Variants in RP9 observed in about 807,000 individuals in gnomAD.
The protein encoded by RP9 is retinitis pigmentosa 9 protein.
In RP9, 23 loss-of-function variants were observed where a neutral mutation model predicts 32.6. The ratio of observed to expected loss-of-function variants is 0.71; its 90% CI spans 0.51 to 1.00. The LOEUF is 1.00. RP9 is among the 50% of genes least tolerant of loss of function. RP9 has a pLI of 0.00. For synonymous variants in RP9, 94 were observed against 103.6 expected (o/e 0.91, Z 0.56); for missense variants, 245 against 285.3 (o/e 0.86, Z 1.02).
At position 33,095,066 on chromosome 7, in the gene RP9, T is replaced by G; in HGVS notation, c.*168A>C. 1 of 631,240 alleles carries G rather than the reference T, an allele frequency of 1.6e-6. No homozygotes were observed. The highest frequency in any genetic ancestry group is 2.0e-5 in the South Asian group (1 of 50,548). 39.1% of individuals were successfully genotyped at this position (631,240 alleles called of 1,614,324 possible). ...AGAGCTAGCACCTGGAAGGAGACAC[T>G]CCCTCTCCTGGGGTCACATCTTCAC... On this transcript the variant is annotated 3_prime_UTR_variant, in exon 6 of 6. Transcript: ENST00000297157.
At chr7:33,103,130 A>T (rs1252559577) in intron 1 of RP9, among the ~76,000 whole-genome samples, 1 of 152,238 alleles carries the variant, frequency 6.6e-6, no homozygotes, top group East Asian at 1.9e-4. Flanking sequence ...GAAGTTTTCA[A>T]CAAATTTGGG....
intron 5 of RP9, 142 bp downstream of exon 5, chr7:33,096,351 C>G: frequency 1.4e-6 from 1 of 715,100 alleles, no homozygotes; most frequent in South Asian, 1.5e-5. Context: ...GCCTTTTCAG[C>G]CATGACTCCT....
chr7:33,102,886 G>A (rs1018093554), intron 1 of RP9, among the ~76,000 whole-genome samples: 11 of 152,174 alleles, frequency 7.2e-5, no homozygotes, highest in Non-Finnish European at 8.8e-5. Context: ...GATGCCCTCA[G>A]GGGCCTGGCA....
intron 1 of RP9, among the ~76,000 whole-genome samples, chr7:33,106,233 C>T (rs1788496353): frequency 6.6e-6 from 1 of 152,044 alleles, no homozygotes; most frequent in African/African-American, 2.4e-5. Context: ...TGGAGTGCAG[C>T]CATGGCTTAC....
At chr7:33,096,343 CT>C (rs1788334312) in intron 5 of RP9, 149 bp downstream of exon 5, 2 of 703,700 alleles carry the variant, frequency 2.8e-6, no homozygotes, top group Non-Finnish European at 2.6e-6. Flanking sequence ...CAACACTGGC[CT>C]TTTCAGCCAT....
At chr7:33,100,488 G>T (rs755143889) in intron 2 of RP9, 43 bp downstream of exon 2, 1 of 1,524,094 alleles carries the variant, frequency 6.6e-7, no homozygotes, top group Admixed American at 1.7e-5. Context: ...GAGTCTACAA[G>T]TATGTCTTGT....
chr7:33,104,051 A>G (rs566505512), intron 1 of RP9, among the ~76,000 whole-genome samples: 16 of 152,314 alleles, frequency 1.1e-4, no homozygotes, highest in Admixed American at 6.5e-4. Context: ...AACAACTTGC[A>G]GAATGAGAAA....
chr7:33,102,795 A>G (rs1198229072), intron 1 of RP9, among the ~76,000 whole-genome samples: 2 of 152,194 alleles, frequency 1.3e-5, no homozygotes, highest in Non-Finnish European at 2.9e-5. Context: ...TGCCACATAC[A>G]CCCAGAAGGT....
intron 1 of RP9, among the ~76,000 whole-genome samples, chr7:33,101,495 A>G (rs1156603474): frequency 2.6e-5 from 4 of 151,922 alleles, no homozygotes; most frequent in Admixed American, 1.3e-4. Context: ...CCAGCTACTC[A>G]GGAGGCTGAG....
intron 1 of RP9, among the ~76,000 whole-genome samples, chr7:33,104,580 T>TAAA (rs1788472449): frequency 1.3e-5 from 2 of 152,256 alleles, no homozygotes; most frequent in African/African-American, 4.8e-5. Flanking sequence ...AGGTAACTTA[T>TAAA]AAAAGAAAGG....
chr7:33,100,472 G>A (rs1788408447), intron 2 of RP9, 59 bp downstream of exon 2: 2 of 1,365,714 alleles, frequency 1.5e-6, no homozygotes, highest in East Asian at 2.3e-5. Flanking sequence ...TTCATAACAA[G>A]TTACTGAGTC....
chr7:33,105,092 G>T (rs908752619), intron 1 of RP9, among the ~76,000 whole-genome samples: 1 of 152,176 alleles, frequency 6.6e-6, no homozygotes, highest in Non-Finnish European at 1.5e-5. Context: ...TGCAAGATAG[G>T]AGAGTGGGAA....
chr7:33,109,291 G>T lies in RP9; in HGVS notation c.82C>A (p.Arg28=). The T allele has an allele frequency of 6.7e-7, 1 of 1,482,532 alleles. No homozygotes were observed. Among genetic ancestry groups the T allele is most frequent in the Non-Finnish European group, 8.9e-7 (1 of 1,120,802 alleles). 91.8% of individuals were successfully genotyped at this position (1,482,532 alleles called of 1,614,324 possible). A position where few individuals can be genotyped will look rare whatever the true frequency, so the allele number is the denominator to read the frequency against. ...PREPPEQELQ[R]RREQKRRRHD... ...CGCCGCCGCTTCTGCTCCCGACGTCGCTGCAGCTCCTGCTCCGGCGGCTCA... is the reference window on the plus strand; with the variant it reads ...CGCCGCCGCTTCTGCTCCCGACGTCTCTGCAGCTCCTGCTCCGGCGGCTCA... The change falls in exon 1 of 6, where the codon CGA becomes AGA. Residue 28 remains arginine, a synonymous_variant. Transcript: ENST00000297157. This position sits in a 1 kb window ranked among gnomAD's most constrained non-coding sequence, Gnocchi z 4.9.
rs370690217 is a variant in RP9 at position 33,106,262 on chromosome 7, G to T, written c.152+2959C>A. On this transcript the variant is annotated intron_variant, in intron 1 of 5. Coordinates refer to ENST00000297157, the MANE Select transcript of RP9 (RefSeq NM_203288.2). Reference sequence around the variant, plus strand: ...GGCTTACTGCAGCCTCAACCTCCCAGGCTCAAGCAGATCTTCCCACTTCAG... The same window carrying T: ...GGCTTACTGCAGCCTCAACCTCCCATGCTCAAGCAGATCTTCCCACTTCAG... 5.3e-3 allele frequency among the ~76,000 whole-genome samples: 804 copies of T among 151,984 alleles called. 7 individuals are homozygous for T. Among genetic ancestry groups the T allele is most frequent in the African/African-American group, 0.018 (765 of 41,446 alleles).
At position 33,108,715 on chromosome 7, in the gene RP9, A is replaced by G. The variant is rs1274912933; in HGVS notation, c.152+506T>C. ...TCCAAAAGGTCTCCACCACGCCCCA[A>G]AAGGCCCACGCCCCTATTCCCTGGC... On this transcript the variant is annotated intron_variant, in intron 1 of 5. Coordinates refer to ENST00000297157, the MANE Select transcript of RP9 (RefSeq NM_203288.2). Among the ~76,000 whole-genome samples the G allele has an allele frequency of 2.0e-5, 3 of 152,298 alleles. No individual in the cohort carries two copies. The East Asian group carries it at 5.8e-4, about 29-fold the overall frequency.
In RP9 at chr7:33,099,618, C is replaced by T. The variant is rs189707149; in HGVS notation, c.184-182G>A. Among the ~76,000 whole-genome samples, 279 of 151,916 alleles carry T rather than the reference C, an allele frequency of 1.8e-3. 2 individuals carry two copies. Among genetic ancestry groups the T allele is most frequent in the Non-Finnish European group, 1.2e-3 (83 of 67,972 alleles). Reference sequence around the variant, plus strand: ...ATTGAAAAAACAGGAAACAAATGTACCAGAAGAACTATACCAAAAACAATG... The same window carrying T: ...ATTGAAAAAACAGGAAACAAATGTATCAGAAGAACTATACCAAAAACAATG... On this transcript the variant is annotated intron_variant, in intron 2 of 5. Transcript: ENST00000297157.
chr7:33,095,169 A>C lies in RP9; in HGVS notation c.*65T>G, dbSNP rs1158261433. 6.3e-7 allele frequency: 1 copy of C among 1,590,744 alleles called. No individual in the cohort carries two copies. Among genetic ancestry groups the C allele is most frequent in the Non-Finnish European group, 8.6e-7 (1 of 1,159,316 alleles). On this transcript the variant is annotated 3_prime_UTR_variant, in exon 6 of 6. Coordinates refer to ENST00000297157, the MANE Select transcript of RP9 (RefSeq NM_203288.2). ...CGTCTCTATCCTGCTGCTTTCTCTG[A>C]CTGCATCTTCCTCTGTTCCTTGGTC... is the stretch of plus-strand genomic sequence containing the variant.
intron 1 of RP9, chr7:33,100,797 G>A (rs1788412796): frequency 1.5e-6 from 1 of 663,504 alleles, no homozygotes; most frequent in Non-Finnish European, 2.8e-6. Context: ...TCCAGGGACT[G>A]AACCCAGAGG....
intron 1 of RP9, among the ~76,000 whole-genome samples, chr7:33,106,676 C>T (rs542611798): frequency 5.6e-4 from 85 of 152,172 alleles, no homozygotes; most frequent in Middle Eastern, 3.4e-3. Flanking sequence ...GTGGGCGCAG[C>T]GGCTCACGCC....
Sources: allele counts gnomAD v4.1 joint callset (sites outside exome capture counted in the v4.1 genomes callset), GRCh38; gene constraint gnomAD v4.1.1; non-coding constraint Gnocchi (gnomAD v3.1); transcripts MANE v1.5; gene names NCBI Gene and HGNC (gene_info 2026-07-23, HGNC 2026-07-21).